STX17: variants seen among roughly 807,000 people sequenced by gnomAD.
STX17 encodes syntaxin-17.
In STX17, 29 loss-of-function variants were observed where a neutral mutation model predicts 35.9. The ratio of observed to expected loss-of-function variants is 0.81; its 90% confidence interval spans 0.60 to 1.10. STX17 has a LOEUF of 1.10. Among genes scored for constraint, STX17 ranks in the 50% least tolerant of loss-of-function variants. The pLI is 0.00. For missense variants in STX17, 312 were observed against 352.3 expected (o/e 0.89, Z 0.92); for synonymous variants, 92 against 118.3 (o/e 0.78, Z 1.44).
chr9:99,910,961 C>T (rs1344324920), intron 1 of STX17, among the ~76,000 whole-genome samples: 3 of 152,040 alleles, frequency 2.0e-5, no homozygotes, highest in African/African-American at 7.2e-5. Flanking sequence ...ATCCTCCTAC[C>T]TCGGCTTCCT....
At chr9:99,934,452 C>CTA (rs1325959230) in intron 3 of STX17, among the ~76,000 whole-genome samples, 1 of 152,028 alleles carries the variant, frequency 6.6e-6, no homozygotes, top group African/African-American at 2.4e-5. Flanking sequence ...ACTTGTTAAG[C>CTA]TATATATATT....
chr9:99,967,836 A>G, intron 7 of STX17, 97 bp downstream of exon 7: 2 of 1,020,420 alleles, frequency 2.0e-6, no homozygotes, highest in East Asian at 2.4e-5. Flanking sequence ...TGTTGAGGGA[A>G]CCAGCAATTA....
chr9:99,934,601 A>G (rs556221163), intron 3 of STX17, among the ~76,000 whole-genome samples: 12 of 152,274 alleles, frequency 7.9e-5, no homozygotes, highest in African/African-American at 2.9e-4. Flanking sequence ...GCCCTTAGCA[A>G]TAAATTATAT....
At chr9:99,923,288 TATG>T (rs373331952) in intron 2 of STX17, among the ~76,000 whole-genome samples, 9 of 152,290 alleles carry the variant, frequency 5.9e-5, no homozygotes, top group Admixed American at 5.2e-4. Context: ...TGCAAATGTC[TATG>T]ATATTAGACA....
Position 99,972,868 on chromosome 9 carries a change from G to A in STX17, c.*4195G>A, listed in dbSNP as rs1355252638. ...GGGGGAGGTTCTCCTCGGAAATGAG[G>A]TGGTTTTTTTTGTTATTAAGTAGAA... is the stretch of plus-strand genomic sequence containing the variant. On this transcript the variant is annotated 3_prime_UTR_variant, in exon 8 of 8. Coordinates refer to ENST00000259400, the MANE Select transcript of STX17 (RefSeq NM_017919.3). Among the ~76,000 whole-genome samples, 1 of 152,128 alleles carries A rather than the reference G, an allele frequency of 6.6e-6. No homozygotes were observed. The highest frequency in any genetic ancestry group is 1.9e-4 in the East Asian group (1 of 5,200).
chr9:99,941,750 T>G (rs1487858220), intron 3 of STX17, among the ~76,000 whole-genome samples: 2 of 152,204 alleles, frequency 1.3e-5, no homozygotes, highest in Admixed American at 6.5e-5. Flanking sequence ...TTTTGAACAT[T>G]ATATAAATTG....
chr9:99,930,703 C>T (rs1206374210), intron 3 of STX17, among the ~76,000 whole-genome samples: 1 of 152,058 alleles, frequency 6.6e-6, no homozygotes, highest in Non-Finnish European at 1.5e-5. Flanking sequence ...CTCTATTTTC[C>T]TAGGTATTAT....
chr9:99,914,406 G>A (rs1828725225), intron 1 of STX17, among the ~76,000 whole-genome samples: 1 of 152,100 alleles, frequency 6.6e-6, no homozygotes, highest in Non-Finnish European at 1.5e-5. Flanking sequence ...GTGGAGTCCT[G>A]GAACCTACTC....
intron 1 of STX17, among the ~76,000 whole-genome samples, chr9:99,910,237 C>G (rs1229758390): frequency 2.9e-5 from 3 of 104,618 alleles, no homozygotes; most frequent in South Asian, 2.8e-4. Flanking sequence ...CGTCTCAAAA[C>G]AAAAAAAAAG....
intron 6 of STX17, among the ~76,000 whole-genome samples, chr9:99,961,356 G>C (rs560490013): frequency 1.6e-4 from 25 of 152,282 alleles, no homozygotes; most frequent in African/African-American, 6.0e-4. Context: ...TAAAGGTAAA[G>C]GACAGCTGAG....
At position 99,968,798 on chromosome 9, in the gene STX17, A is replaced by T. The variant is rs1385743885; in HGVS notation, c.*125A>T. The T allele has an allele frequency of 4.9e-6, 7 of 1,416,762 alleles. No individual in the cohort carries two copies. The highest frequency in any genetic ancestry group is 5.7e-6 in the Non-Finnish European group (6 of 1,047,646). 87.8% of individuals were successfully genotyped at this position (1,416,762 alleles called of 1,614,324 possible). ...TAGTGGCTACTGATGTTCAAGTGGGATTGAAGTGTGATAAATGGATATATT... is the reference window on the plus strand; with the variant it reads ...TAGTGGCTACTGATGTTCAAGTGGGTTTGAAGTGTGATAAATGGATATATT... On this transcript the variant is annotated 3_prime_UTR_variant, in exon 8 of 8. Transcript: ENST00000259400.
chr9:99,974,043 C>T lies in STX17; in HGVS notation c.*5370C>T, dbSNP rs990335208. ...GCTGGGGGTTATTTAAGCTCTTGGA[C>T]GAGCCTAAAACTTGTATCCTGAAGA... On this transcript the variant is annotated 3_prime_UTR_variant, in exon 8 of 8. Coordinates refer to ENST00000259400, the MANE Select transcript of STX17 (RefSeq NM_017919.3). 1.8e-4 allele frequency among the ~76,000 whole-genome samples: 28 copies of T among 152,148 alleles called. No individual in the cohort carries two copies. The highest frequency in any genetic ancestry group is 5.6e-4 in the African/African-American group (23 of 41,422).
At chr9:99,949,852 T>C (rs937301622) in intron 3 of STX17, among the ~76,000 whole-genome samples, 1 of 151,890 alleles carries the variant, frequency 6.6e-6, no homozygotes, top group Non-Finnish European at 1.5e-5. Flanking sequence ...GTATATTTTA[T>C]GAAGTTAGCA....
chr9:99,911,978 G>A (rs1230497271), intron 1 of STX17, among the ~76,000 whole-genome samples: 3 of 152,188 alleles, frequency 2.0e-5, no homozygotes, highest in Non-Finnish European at 4.4e-5. Flanking sequence ...TGTAATCCCG[G>A]CACTTTGGGA....
chr9:99,915,442 A>G (rs1362085579), intron 2 of STX17, 80 bp downstream of exon 2: 4 of 1,484,344 alleles, frequency 2.7e-6, no homozygotes, highest in Non-Finnish European at 3.6e-6. Context: ...CTAAATTTAG[A>G]ATATTAGATA....
At chr9:99,941,882 A>G (rs1214979482) in intron 3 of STX17, among the ~76,000 whole-genome samples, 1 of 152,138 alleles carries the variant, frequency 6.6e-6, no homozygotes, top group East Asian at 1.9e-4. Context: ...TAGTGTTTCC[A>G]TTCTGTGGAT....
chr9:99,920,998 T>A (rs2118334965), intron 2 of STX17, among the ~76,000 whole-genome samples: 1 of 152,314 alleles, frequency 6.6e-6, no homozygotes, highest in East Asian at 1.9e-4. Flanking sequence ...AGGTAGTAGT[T>A]GTTTTCATTT....
chr9:99,956,257 A>G (rs566329628), intron 4 of STX17, among the ~76,000 whole-genome samples: 2 of 152,274 alleles, frequency 1.3e-5, no homozygotes, highest in South Asian at 4.1e-4. Flanking sequence ...AATGTCAAAC[A>G]TTTCCCACAC....
chr9:99,944,209 C>T (rs1032871457), intron 3 of STX17, among the ~76,000 whole-genome samples: 1 of 151,754 alleles, frequency 6.6e-6, no homozygotes, highest in African/African-American at 2.4e-5. Flanking sequence ...AATTATTTGT[C>T]AATGAGGTTT....
Sources: gnomAD v4.1 joint callset for allele counts (sites outside exome capture counted in the v4.1 genomes callset) on GRCh38, gnomAD v4.1.1 for gene constraint, MANE v1.5 for transcripts, NCBI Gene and HGNC (gene_info 2026-07-23, HGNC 2026-07-21) for gene names.